PLCB1: variants seen among roughly 807,000 people sequenced by gnomAD.
The protein encoded by PLCB1 is 1-phosphatidylinositol 4,5-bisphosphate phosphodiesterase beta-1.
A neutral mutation model predicts 161.8 loss-of-function variants in PLCB1; 46 were observed. That is an observed-to-expected ratio of 0.28 (90% CI 0.22 to 0.36). The LOEUF (loss-of-function observed/expected upper bound fraction) is 0.36. PLCB1 is among the 10% of genes least tolerant of loss of function. The pLI is 1.00. For missense variants in PLCB1, 1,016 were observed against 1,472.5 expected (o/e 0.69, Z 5.07); for synonymous variants, 517 against 503.7 (o/e 1.03, Z -0.35).
At chr20:8,508,022 CT>C (rs1186874333) in intron 3 of PLCB1, among the ~76,000 whole-genome samples, 1 of 152,124 alleles carries the variant, frequency 6.6e-6, no homozygotes, top group Non-Finnish European at 1.5e-5. Flanking sequence ...CCTCCAATGA[CT>C]ACACCCAAGG....
At chr20:8,788,789 T>A in intron 29 of PLCB1, 67 bp downstream of exon 29, 1 of 1,009,370 alleles carries the variant, frequency 9.9e-7, no homozygotes, top group Non-Finnish European at 1.5e-6. Flanking sequence ...TACGTCAGAG[T>A]CACAGGTTCA....
intron 9 of PLCB1, among the ~76,000 whole-genome samples, chr20:8,670,619 A>T (rs538840668): frequency 2.0e-5 from 3 of 152,348 alleles, no homozygotes; most frequent in African/African-American, 4.8e-5. Context: ...ATAATAACAC[A>T]TGAAAACAGG....
chr20:8,409,243 A>G (rs1978929186), intron 3 of PLCB1, among the ~76,000 whole-genome samples: 1 of 152,150 alleles, frequency 6.6e-6, no homozygotes, highest in Admixed American at 6.5e-5. Context: ...TGCCTATGAC[A>G]TTCTTTCTAC....
At chr20:8,275,115 T>A (rs952499751) in intron 2 of PLCB1, among the ~76,000 whole-genome samples, 1 of 152,130 alleles carries the variant, frequency 6.6e-6, no homozygotes, top group African/African-American at 2.4e-5. Flanking sequence ...TATTTCACGT[T>A]CTTTCTGATT....
chr20:8,842,735 G>A (rs1032936089), intron 31 of PLCB1, among the ~76,000 whole-genome samples: 1 of 152,158 alleles, frequency 6.6e-6, no homozygotes, highest in African/African-American at 2.4e-5. Context: ...ACTGGGGGCT[G>A]CATGCACCGG....
At chr20:8,185,417 A>G (rs1475172360) in intron 2 of PLCB1, among the ~76,000 whole-genome samples, 1 of 152,136 alleles carries the variant, frequency 6.6e-6, no homozygotes, top group Non-Finnish European at 1.5e-5. Context: ...TTTTCAGCTA[A>G]TGGGGAGCAG....
chr20:8,508,307 C>T (rs138207809), intron 3 of PLCB1, among the ~76,000 whole-genome samples: 1 of 152,174 alleles, frequency 6.6e-6, no homozygotes, highest in Non-Finnish European at 1.5e-5. Flanking sequence ...AGCATTGCTG[C>T]GTCCATCCCA....
intron 3 of PLCB1, among the ~76,000 whole-genome samples, chr20:8,436,008 T>TGTGTTC (rs1212357351): frequency 6.6e-6 from 1 of 152,134 alleles, no homozygotes; most frequent in African/African-American, 2.4e-5. Flanking sequence ...AAAATAACAG[T>TGTGTTC]GTGTTCTCTA....
At position 8,663,983 on chromosome 20, in the gene PLCB1, C is replaced by T. The variant is rs143196228; in HGVS notation, c.862+5279C>T. Among the ~76,000 whole-genome samples, 790 of 152,154 alleles carry T rather than the reference C, an allele frequency of 5.2e-3. 6 individuals carry two copies. Among genetic ancestry groups the T allele is most frequent in the Non-Finnish European group, 7.4e-3 (505 of 68,010 alleles). On this transcript the variant is annotated intron_variant, in intron 9 of 31. Coordinates refer to ENST00000338037, the MANE Select transcript of PLCB1 (RefSeq NM_015192.4). ...GAAAAATAGAATAGCTCTATAGGTACCTTTGGTAACAGAATGCAGACTTCA... is the reference window on the plus strand; with the variant it reads ...GAAAAATAGAATAGCTCTATAGGTATCTTTGGTAACAGAATGCAGACTTCA...
chr20:8,341,220 A>C (rs1317706139), intron 2 of PLCB1, among the ~76,000 whole-genome samples: 1 of 152,064 alleles, frequency 6.6e-6, no homozygotes, highest in Non-Finnish European at 1.5e-5. Context: ...TCATTCCATG[A>C]CTTTGCTGCT....
chr20:8,801,809 A>T (rs563776220), intron 31 of PLCB1, among the ~76,000 whole-genome samples: 5 of 152,164 alleles, frequency 3.3e-5, no homozygotes, highest in Non-Finnish European at 7.4e-5. Flanking sequence ...ATCATTTTTA[A>T]CAACTAATTT....
chr20:8,276,971 CTTCTTCTTCTTCTTCTTATTATTA>C (rs1200804956), intron 2 of PLCB1, among the ~76,000 whole-genome samples: 1 of 108,194 alleles, frequency 9.2e-6, no homozygotes, highest in Non-Finnish European at 2.0e-5. Context: ...TCTTCTTCTT[CTTCTTCTTCTTCTTCTTATTATTA>C]TTATTATTAT....
chr20:8,286,161 CAAAA>C (rs1312582127), intron 2 of PLCB1, among the ~76,000 whole-genome samples: 7 of 152,100 alleles, frequency 4.6e-5, no homozygotes, highest in Non-Finnish European at 8.8e-5. Context: ...CCCGTCTCTA[CAAAA>C]ATACAAAGAT....
chr20:8,681,115 T>TATATATATAA (rs1555782804), intron 9 of PLCB1, among the ~76,000 whole-genome samples: 3 of 103,902 alleles, frequency 2.9e-5, no homozygotes, highest in Non-Finnish European at 5.2e-5. Context: ...TATATATATA[T>TATATATATAA]ATATAATATA....
intron 1 of PLCB1, among the ~76,000 whole-genome samples, chr20:8,137,932 G>A (rs1415965079): frequency 6.6e-6 from 1 of 152,192 alleles, no homozygotes; most frequent in African/African-American, 2.4e-5. Flanking sequence ...AGCAACAAAA[G>A]TGACTTACAG....
At chr20:8,838,114 G>C (rs756220532) in intron 31 of PLCB1, among the ~76,000 whole-genome samples, 1 of 151,704 alleles carries the variant, frequency 6.6e-6, no homozygotes, top group Admixed American at 6.6e-5. Context: ...TGAAAGCATA[G>C]AGTCACTATC....
intron 23 of PLCB1, among the ~76,000 whole-genome samples, chr20:8,750,045 C>G (rs532624341): frequency 6.6e-6 from 1 of 152,086 alleles, no homozygotes; most frequent in East Asian, 1.9e-4. Context: ...CTCTCATAGC[C>G]CTTACAACTT....
At chr20:8,199,702 TTTTAAC>T (rs2123123549) in intron 2 of PLCB1, among the ~76,000 whole-genome samples, 1 of 152,304 alleles carries the variant, frequency 6.6e-6, no homozygotes, top group African/African-American at 2.4e-5. Context: ...ATAACTTATC[TTTTAAC>T]TTTATTTGCT....
At chr20:8,245,384 A>G (rs62195863) in intron 2 of PLCB1, among the ~76,000 whole-genome samples, 689 of 152,024 alleles carry the variant, frequency 4.5e-3, no homozygotes, top group Non-Finnish European at 7.8e-3. Context: ...TAAAAATGAT[A>G]TTATAGTATG....
Sources: allele counts gnomAD v4.1 joint callset (sites outside exome capture counted in the v4.1 genomes callset), GRCh38; gene constraint gnomAD v4.1.1; transcripts MANE v1.5; gene names NCBI Gene and HGNC (gene_info 2026-07-23, HGNC 2026-07-21).